Variants in OSMR observed in about 807,000 individuals in gnomAD.
OSMR encodes oncostatin M receptor, also known as oncostatin-M-specific receptor subunit beta.
Under a neutral mutation model 99.9 loss-of-function variants are expected in OSMR, and 81 were observed. The observed-to-expected ratio is 0.81, with a 90% CI of 0.68 to 0.97. OSMR has a LOEUF of 0.97. Among genes scored for constraint, OSMR ranks in the 50% least tolerant of loss-of-function variants. The pLI, the probability that OSMR is intolerant of heterozygous loss-of-function variation, is 0.00. For synonymous variants in OSMR, 406 were observed against 410.4 expected, an observed-to-expected ratio of 0.99 and a Z score of 0.13; for missense variants, 1,099 against 1,153.4, an observed-to-expected ratio of 0.95 and a Z score of 0.68.
intron 1 of OSMR, among the ~76,000 whole-genome samples, chr5:38,850,865 C>T (rs566656336): frequency 2.0e-5 from 3 of 152,180 alleles, no homozygotes; most frequent in Non-Finnish European, 4.4e-5. Context: ...CATATATATA[C>T]TTCAGTGTGT....
intron 7 of OSMR, among the ~76,000 whole-genome samples, chr5:38,895,120 G>C (rs1406689766): frequency 2.0e-5 from 3 of 152,074 alleles, no homozygotes; most frequent in Admixed American, 6.6e-5. Context: ...TAAGTTTATA[G>C]TGCTAAATGC....
chr5:38,945,325 C>G (rs956390171), downstream of OSMR: 11 of 621,738 alleles, frequency 1.8e-5, no homozygotes, highest in East Asian at 2.7e-4. Flanking sequence ...GACCTGGAAC[C>G]GTGAGAGGAT....
intron 7 of OSMR, among the ~76,000 whole-genome samples, chr5:38,894,732 T>A (rs145468197): frequency 1.3e-5 from 2 of 152,130 alleles, no homozygotes; most frequent in East Asian, 3.9e-4. Context: ...CAAAGAGACT[T>A]AGATAAGCAC....
chr5:38,896,693 A>G (rs1018025817), intron 7 of OSMR, among the ~76,000 whole-genome samples: 11 of 152,104 alleles, frequency 7.2e-5, no homozygotes, highest in Non-Finnish European at 1.6e-4. Context: ...GTCGAATAAC[A>G]GTGGTGAAAG....
At chr5:38,867,780 G>A (rs758940635) in intron 1 of OSMR, among the ~76,000 whole-genome samples, 4 of 152,292 alleles carry the variant, frequency 2.6e-5, no homozygotes, top group South Asian at 2.1e-4. Flanking sequence ...GAGGGAGATA[G>A]GGAAGAATGG....
intron 9 of OSMR, among the ~76,000 whole-genome samples, chr5:38,909,197 G>T (rs1745422013): frequency 6.6e-6 from 1 of 151,902 alleles, no homozygotes; most frequent in South Asian, 2.1e-4. Flanking sequence ...CAAAAATAAA[G>T]AAAAAAATAA....
At chr5:38,916,700 A>C (rs546251355) in intron 9 of OSMR, among the ~76,000 whole-genome samples, 201 of 152,302 alleles carry the variant, frequency 1.3e-3, no homozygotes, top group Non-Finnish European at 2.2e-3. Flanking sequence ...ATGCAAAATC[A>C]ATCAGTCAAT....
At chr5:38,932,704 G>A in intron 17 of OSMR, 168 bp from the exon 18 acceptor site, 1 of 985,344 alleles carries the variant, frequency 1.0e-6, no homozygotes, top group Non-Finnish European at 1.2e-6. Flanking sequence ...GATTTCTTCT[G>A]TCAGGGGAAA....
chr5:38,945,393 A>C (rs1383421838), downstream of OSMR: 1 of 780,136 alleles, frequency 1.3e-6, no homozygotes, highest in East Asian at 2.6e-5. Flanking sequence ...ACCAGCTGGG[A>C]AACTCTGAAT....
At chr5:38,875,096 C>G (rs1359069751) in intron 2 of OSMR, among the ~76,000 whole-genome samples, 3 of 152,110 alleles carry the variant, frequency 2.0e-5, no homozygotes, top group Admixed American at 2.0e-4. Flanking sequence ...AGGGGAAATC[C>G]CCCTGAAACT....
chr5:38,894,225 C>T (rs1744339824), intron 7 of OSMR, among the ~76,000 whole-genome samples: 1 of 152,156 alleles, frequency 6.6e-6, no homozygotes, highest in Non-Finnish European at 1.5e-5. Flanking sequence ...CACAACATCA[C>T]ACTTAAGTAC....
chr5:38,940,367 C>T (rs1747426361), downstream of OSMR: 1 of 231,230 alleles, frequency 4.3e-6, no homozygotes. Context: ...TATGTTAATC[C>T]CATTATGAAT....
At chr5:38,850,462 TA>T (rs1204114574) in intron 1 of OSMR, among the ~76,000 whole-genome samples, 1 of 152,220 alleles carries the variant, frequency 6.6e-6, no homozygotes, top group Admixed American at 6.5e-5. Flanking sequence ...CTAAATAGAA[TA>T]CCTAGCTCTG....
intron 3 of OSMR, among the ~76,000 whole-genome samples, chr5:38,878,817 G>A (rs907931342): frequency 6.6e-5 from 10 of 152,144 alleles, no homozygotes; most frequent in African/African-American, 2.2e-4. Flanking sequence ...ACATTAACAG[G>A]GCTGTAAAGA....
chr5:38,877,864 G>A (rs533654), intron 3 of OSMR, among the ~76,000 whole-genome samples: 55,649 of 151,976 alleles, frequency 0.37, 10,569 homozygotes, highest in Admixed American at 0.38. Context: ...CTAAAAAGCA[G>A]TTGTTCATAT....
At chr5:38,884,763 ACTAGTGGCCT>A (rs1245982654) in intron 5 of OSMR, among the ~76,000 whole-genome samples, 2 of 152,132 alleles carry the variant, frequency 1.3e-5, no homozygotes, top group African/African-American at 4.8e-5. Context: ...TGTGTGCACA[ACTAGTGGCCT>A]CCTGTATTTT....
At position 38,903,732 on chromosome 5, in the gene OSMR, TA is replaced by T. The variant is rs1225318247; in HGVS notation, c.992-149del. On this transcript the variant is annotated intron_variant, in intron 7 of 17. Coordinates refer to ENST00000274276, the MANE Select transcript of OSMR (RefSeq NM_003999.3). ...GAGAAAGGCTGTAGTTGGCTCATTC[TA>T]GCTTGTCTGTAAGTTCTTGTTTGTC... 1.6e-5 allele frequency: 23 copies of T among 1,463,686 alleles called. No homozygotes were observed. The East Asian group carries it at 5.7e-4, about 36-fold the overall frequency. 90.7% of individuals were successfully genotyped at this position (1,463,686 alleles called of 1,614,324 possible).
At chr5:38,850,126 T>A (rs1269935602) in intron 1 of OSMR, among the ~76,000 whole-genome samples, 1 of 152,166 alleles carries the variant, frequency 6.6e-6, no homozygotes, top group East Asian at 1.9e-4. Context: ...AATGTGCATA[T>A]GAATCACCTG....
chr5:38,888,696 G>A (rs1383997192), intron 7 of OSMR, among the ~76,000 whole-genome samples: 1 of 151,906 alleles, frequency 6.6e-6, no homozygotes, highest in Non-Finnish European at 1.5e-5. Context: ...AGAGCACATA[G>A]ATATTACCTG....
Sources: gnomAD v4.1 joint callset for allele counts (sites outside exome capture counted in the v4.1 genomes callset) on GRCh38, gnomAD v4.1.1 for gene constraint, MANE v1.5 for transcripts, NCBI Gene and HGNC (gene_info 2026-07-23, HGNC 2026-07-21) for gene names.